Variants in STK39 observed in about 807,000 individuals in gnomAD.
STK39 encodes STE20/SPS1-related proline-alanine-rich protein kinase.
In STK39, 20 loss-of-function variants were observed where a neutral mutation model predicts 77.8. The observed-to-expected ratio is 0.26, with a 90% CI of 0.18 to 0.37. The LOEUF (loss-of-function observed/expected upper bound fraction) is 0.37. Among genes scored for constraint, STK39 ranks in the 10% least tolerant of loss-of-function variants. The probability of loss-of-function intolerance (pLI) is 1.00; values close to 1 mark genes in which losing one functional copy is unlikely to be tolerated. For synonymous variants in STK39, 246 were observed against 234.1 expected (o/e 1.05, Z -0.47); for missense variants, 479 against 656.5 (o/e 0.73, Z 2.95).
At chr2:168,124,973 G>A (rs373901971) in intron 10 of STK39, among the ~76,000 whole-genome samples, 24 of 152,158 alleles carry the variant, frequency 1.6e-4, no homozygotes, top group African/African-American at 3.9e-4. Flanking sequence ...GGGTCTGTAG[G>A]GGGGTGGGGG....
intron 1 of STK39, among the ~76,000 whole-genome samples, chr2:168,209,613 G>C (rs1293328211): frequency 2.6e-5 from 4 of 152,240 alleles, no homozygotes; most frequent in Non-Finnish European, 5.9e-5. Context: ...CCAGGAGGCA[G>C]AGGTTGGAGT....
At chr2:168,052,363 A>G (rs186431024) in intron 14 of STK39, among the ~76,000 whole-genome samples, 4 of 152,344 alleles carry the variant, frequency 2.6e-5, no homozygotes, top group African/African-American at 7.2e-5. Flanking sequence ...CAGAGAAAAT[A>G]TCTTTAAAAT....
At chr2:168,055,591 T>C (rs1352718717) in intron 14 of STK39, among the ~76,000 whole-genome samples, 1 of 152,224 alleles carries the variant, frequency 6.6e-6, no homozygotes, top group African/African-American at 2.4e-5. Flanking sequence ...TGATGGGACA[T>C]ACCAGACCAG....
chr2:168,243,124 C>A (rs914189525), intron 1 of STK39, among the ~76,000 whole-genome samples: 8 of 152,152 alleles, frequency 5.3e-5, no homozygotes, highest in Non-Finnish European at 1.0e-4. Flanking sequence ...ACACTCAGTG[C>A]TCCGGCTCCC....
intron 10 of STK39, among the ~76,000 whole-genome samples, chr2:168,081,538 T>G (rs2105416284): frequency 6.6e-6 from 1 of 152,294 alleles, no homozygotes; most frequent in Middle Eastern, 3.4e-3. Context: ...GGACTTGCCT[T>G]GTCTCAGATG....
intron 16 of STK39, among the ~76,000 whole-genome samples, chr2:167,989,777 AT>A (rs1360259733): frequency 3.3e-5 from 5 of 152,332 alleles, no homozygotes; most frequent in African/African-American, 1.2e-4. Flanking sequence ...TAGACAGGAA[AT>A]TTTAAAAATT....
intron 16 of STK39, among the ~76,000 whole-genome samples, chr2:167,974,993 T>C (rs1326462862): frequency 1.3e-5 from 2 of 152,200 alleles, no homozygotes; most frequent in African/African-American, 2.4e-5. Context: ...ATGGTCTAAG[T>C]CAAATTACCT....
At chr2:167,965,373 G>A (rs1692127524) in intron 16 of STK39, among the ~76,000 whole-genome samples, 1 of 152,180 alleles carries the variant, frequency 6.6e-6, no homozygotes, top group African/African-American at 2.4e-5. Flanking sequence ...TAGAGTAGAC[G>A]CTGTCAGTTT....
At chr2:168,186,710 C>A (rs1364196634) in intron 1 of STK39, among the ~76,000 whole-genome samples, 1 of 152,160 alleles carries the variant, frequency 6.6e-6, no homozygotes, top group Non-Finnish European at 1.5e-5. Flanking sequence ...AACATCAACT[C>A]AATAAATGTT....
chr2:168,066,197 T>C (rs1685790220), intron 12 of STK39, among the ~76,000 whole-genome samples: 1 of 152,216 alleles, frequency 6.6e-6, no homozygotes, highest in Non-Finnish European at 1.5e-5. Flanking sequence ...TCCATGCTTC[T>C]TCCAAAATAA....
At chr2:168,018,551 A>AAAGG (rs1684484422) in intron 14 of STK39, among the ~76,000 whole-genome samples, 4 of 130,134 alleles carry the variant, frequency 3.1e-5, no homozygotes, top group Non-Finnish European at 6.6e-5. Context: ...AGAAAGAAAG[A>AAAGG]AAGAAAGAAA....
chr2:167,976,796 C>T (rs1400025716), intron 16 of STK39, among the ~76,000 whole-genome samples: 1 of 152,204 alleles, frequency 6.6e-6, no homozygotes, highest in Admixed American at 6.5e-5. Flanking sequence ...AAACCCCTAG[C>T]CTACAAGCCT....
At chr2:167,969,266 C>T (rs1450397575) in intron 16 of STK39, among the ~76,000 whole-genome samples, 1 of 152,196 alleles carries the variant, frequency 6.6e-6, no homozygotes, top group African/African-American at 2.4e-5. Flanking sequence ...GGTCTTACCT[C>T]CTCCGAGCCC....
intron 10 of STK39, among the ~76,000 whole-genome samples, chr2:168,126,553 C>T (rs1181828817): frequency 6.6e-6 from 1 of 152,146 alleles, no homozygotes; most frequent in Admixed American, 6.5e-5. Context: ...CAAGCCAGAG[C>T]GGGGCTTGCG....
At chr2:168,192,434 T>C (rs1380168491) in intron 1 of STK39, among the ~76,000 whole-genome samples, 1 of 152,230 alleles carries the variant, frequency 6.6e-6, no homozygotes, top group East Asian at 1.9e-4. Flanking sequence ...CTCATTTCAC[T>C]CTGTTTTCCA....
intron 10 of STK39, among the ~76,000 whole-genome samples, chr2:168,092,957 C>T (rs1040101129): frequency 1.3e-5 from 2 of 152,104 alleles, no homozygotes; most frequent in African/African-American, 2.4e-5. Context: ...CTGTCACTCC[C>T]GTGGTTGGAC....
At chr2:168,206,378 G>A (rs954129380) in intron 1 of STK39, among the ~76,000 whole-genome samples, 5 of 150,078 alleles carry the variant, frequency 3.3e-5, no homozygotes, top group African/African-American at 9.8e-5. Context: ...TCAGCTCACC[G>A]CAACCTGCGC....
intron 10 of STK39, among the ~76,000 whole-genome samples, chr2:168,088,487 C>T (rs1275328072): frequency 6.6e-6 from 1 of 152,168 alleles, no homozygotes; most frequent in Admixed American, 6.5e-5. Context: ...CAGTTGCTAT[C>T]CTGTCCCCCA....
At chr2:167,968,876 A>T (rs1291157341) in intron 16 of STK39, among the ~76,000 whole-genome samples, 4 of 152,204 alleles carry the variant, frequency 2.6e-5, no homozygotes, top group Non-Finnish European at 5.9e-5. Context: ...TTACTAACTC[A>T]GTTTGGGACA....
Sources: gnomAD v4.1 joint callset for allele counts (sites outside exome capture counted in the v4.1 genomes callset) on GRCh38, gnomAD v4.1.1 for gene constraint, MANE v1.5 for transcripts, NCBI Gene and HGNC (gene_info 2026-07-23, HGNC 2026-07-21) for gene names.